Variants in CACNG5 observed in about 807,000 individuals in gnomAD.
The protein encoded by CACNG5 is calcium voltage-gated channel auxiliary subunit gamma 5, also known as voltage-dependent calcium channel gamma-5 subunit.
In CACNG5, 18 loss-of-function variants were observed where a neutral mutation model predicts 24.8. The observed-to-expected ratio is 0.73, with a 90% CI of 0.50 to 1.08. The LOEUF is 1.08. CACNG5 is among the 50% of genes least tolerant of loss of function. The pLI is 0.00. For synonymous variants in CACNG5, 157 were observed against 149.1 expected, an observed-to-expected ratio of 1.05 and a Z score of -0.39; for missense variants, 349 against 367.9, an observed-to-expected ratio of 0.95 and a Z score of 0.42.
intron 3 of CACNG5, 49 bp from the exon 4 acceptor site, chr17:66,880,508 T>A (rs1256070177): frequency 6.2e-7 from 1 of 1,611,654 alleles, no homozygotes; most frequent in South Asian, 1.1e-5. Flanking sequence ...TGATGAGGAA[T>A]GAATCAGGCC....
intron 1 of CACNG5, among the ~76,000 whole-genome samples, chr17:66,876,357 A>G (rs916186113): frequency 6.6e-6 from 1 of 152,198 alleles, no homozygotes; most frequent in Admixed American, 6.5e-5. Flanking sequence ...AGAAGCCCTG[A>G]GACTGGCTAT....
chr17:66,835,439 T>C (rs915173250), intron 1 of CACNG5, among the ~76,000 whole-genome samples, 189 bp downstream of exon 1: 1 of 151,848 alleles, frequency 6.6e-6, no homozygotes, highest in Non-Finnish European at 1.5e-5. Context: ...AGCGCGGGCG[T>C]GTGTATGCGC....
At position 66,889,172 on chromosome 17, in the gene CACNG5, G is replaced by T. The variant is rs529967798; in HGVS notation, c.*3932G>T. On this transcript the variant is annotated 3_prime_UTR_variant, in exon 6 of 6. Transcript: ENST00000533854. Reference sequence around the variant, plus strand: ...GATGGGGTTTCCCCATGTTGGCCACGTTGGTCTTGAACTCCTGACCTCAAG... The same window carrying T: ...GATGGGGTTTCCCCATGTTGGCCACTTTGGTCTTGAACTCCTGACCTCAAG... Among the ~76,000 whole-genome samples the T allele has an allele frequency of 5.3e-5, 8 of 152,300 alleles. No homozygotes were observed. The highest frequency in any genetic ancestry group is 1.7e-4 in the African/African-American group (7 of 41,570).
rs1212953444 is a variant in CACNG5, at chr17:66,889,038, G to A, written c.*3798G>A. The stretch of plus-strand genomic sequence containing the variant: ...TGCAGTGGTGTGATCTCGGCTCACT[G>A]CAACCTCTGCTTCCTGGGCTCAAGC... On this transcript the variant is annotated 3_prime_UTR_variant, in exon 6 of 6. Transcript: ENST00000533854. 6.6e-6 allele frequency among the ~76,000 whole-genome samples: 1 copy of A among 151,872 alleles called. No homozygotes were observed. The highest frequency in any genetic ancestry group is 1.5e-5 in the Non-Finnish European group (1 of 67,954).
chr17:66,842,161 A>G (rs1343877273), intron 1 of CACNG5, among the ~76,000 whole-genome samples: 1 of 152,140 alleles, frequency 6.6e-6, no homozygotes, highest in Non-Finnish European at 1.5e-5. Context: ...AGGCCTGTGA[A>G]ATATAAAAGT....
intron 1 of CACNG5, among the ~76,000 whole-genome samples, chr17:66,872,585 CA>C (rs1977024664): frequency 6.6e-6 from 1 of 152,202 alleles, no homozygotes; most frequent in African/African-American, 2.4e-5. Context: ...CTGCGCAATA[CA>C]GAAGGAAAAA....
At chr17:66,882,876 A>G (rs1977181722) in intron 4 of CACNG5, among the ~76,000 whole-genome samples, 1 of 152,142 alleles carries the variant, frequency 6.6e-6, no homozygotes. Context: ...TTGTCAACGT[A>G]GCTTGGGAGC....
At chr17:66,838,050 C>T (rs1011754287) in intron 1 of CACNG5, among the ~76,000 whole-genome samples, 3 of 151,790 alleles carry the variant, frequency 2.0e-5, no homozygotes, top group Non-Finnish European at 4.4e-5. Context: ...CTGCTCTACC[C>T]GCTGCTCAGA....
At chr17:66,868,206 G>GA (rs1976955619) in intron 1 of CACNG5, among the ~76,000 whole-genome samples, 1 of 152,136 alleles carries the variant, frequency 6.6e-6, no homozygotes, top group African/African-American at 2.4e-5. Context: ...GGTCCCTACG[G>GA]AAAATGGACC....
intron 1 of CACNG5, among the ~76,000 whole-genome samples, 195 bp from the exon 2 acceptor site, chr17:66,877,035 G>A (rs1258041504): frequency 1.3e-5 from 2 of 152,132 alleles, no homozygotes; most frequent in Non-Finnish European, 1.5e-5. Context: ...CCAGCAAGGG[G>A]ACTCCCAGAG....
At chr17:66,848,919 G>C (rs1435706531) in intron 1 of CACNG5, among the ~76,000 whole-genome samples, 1 of 152,164 alleles carries the variant, frequency 6.6e-6, no homozygotes, top group Non-Finnish European at 1.5e-5. Flanking sequence ...ACGCTGAGAG[G>C]GGTGTCCTCC....
chr17:66,846,951 C>T (rs1042521740), intron 1 of CACNG5, among the ~76,000 whole-genome samples: 5 of 152,336 alleles, frequency 3.3e-5, no homozygotes, highest in East Asian at 1.9e-4. Context: ...GAAAACCTTT[C>T]GAAGTGTGGT....
rs772292202 is a variant in CACNG5, at chr17:66,880,547, C to T, written c.284-10C>T. On this transcript the variant is annotated splice_polypyrimidine_tract_variant and intron_variant, in intron 3 of 5. Transcript: ENST00000533854. ...AGGCTGACAGGCCGCCCTTTTGTCCCGTTAATTAGAGATGATCCGCTCAGC... is the reference window on the plus strand; with the variant it reads ...AGGCTGACAGGCCGCCCTTTTGTCCTGTTAATTAGAGATGATCCGCTCAGC... The T allele has an allele frequency of 3.7e-6, 6 of 1,614,090 alleles. No homozygotes were observed. The highest frequency in any genetic ancestry group is 2.2e-5 in the South Asian group (2 of 91,060).
At chr17:66,874,359 A>G (rs1470316211) in intron 1 of CACNG5, among the ~76,000 whole-genome samples, 1 of 152,200 alleles carries the variant, frequency 6.6e-6, no homozygotes, top group Non-Finnish European at 1.5e-5. Flanking sequence ...ATAACAGAAT[A>G]CCTGAGACTG....
At chr17:66,881,218 C>T (rs1248214469) in intron 4 of CACNG5, among the ~76,000 whole-genome samples, 1 of 152,236 alleles carries the variant, frequency 6.6e-6, no homozygotes, top group African/African-American at 2.4e-5. Context: ...GGGGTGACTG[C>T]ACAGACTCCC....
Position 66,889,406 on chromosome 17 carries a change from CA to C in CACNG5, c.*4167del, listed in dbSNP as rs1977309660. Reference sequence around the variant, plus strand: ...AATCCATAGGTTGCCACAGGCTTATCAGTGATGTCCCTAGAGAATCACATGT... The same window carrying C: ...AATCCATAGGTTGCCACAGGCTTATCGTGATGTCCCTAGAGAATCACATGT... On this transcript the variant is annotated 3_prime_UTR_variant, in exon 6 of 6. Transcript: ENST00000533854. 6.6e-6 allele frequency among the ~76,000 whole-genome samples: 1 copy of C among 152,190 alleles called. No individual in the cohort carries two copies. Among genetic ancestry groups the C allele is most frequent in the Non-Finnish European group, 1.5e-5 (1 of 68,030 alleles).
intron 1 of CACNG5, among the ~76,000 whole-genome samples, chr17:66,858,776 C>G (rs1976817299): frequency 6.6e-6 from 1 of 151,824 alleles, no homozygotes; most frequent in Non-Finnish European, 1.5e-5. Flanking sequence ...CCCCAGGCCT[C>G]TTATTCTGCC....
In CACNG5 at chr17:66,894,528, G is replaced by A. The variant is rs1275455084; in HGVS notation, c.*9288G>A. Among the ~76,000 whole-genome samples, 1 of 152,056 alleles carries A rather than the reference G, an allele frequency of 6.6e-6. No homozygotes were observed. The highest frequency in any genetic ancestry group is 1.5e-5 in the Non-Finnish European group (1 of 68,032). ...CTTTGAATCCTAGTGCAGAATCTGA[G>A]TTAGTTACCCTCTCCAGTTCATGAT... On this transcript the variant is annotated 3_prime_UTR_variant, in exon 6 of 6. Coordinates refer to ENST00000533854, the MANE Select transcript of CACNG5 (RefSeq NM_145811.3).
Position 66,893,644 on chromosome 17 carries a change from C to T in CACNG5, c.*8404C>T, listed in dbSNP as rs1977373348. Among the ~76,000 whole-genome samples the T allele has an allele frequency of 1.3e-5, 2 of 152,204 alleles. No homozygotes were observed. The highest frequency in any genetic ancestry group is 2.9e-5 in the Non-Finnish European group (2 of 68,038). ...AGATGAGCTCATGTCAGACTCTGGCCTCCAGATTCCATTTTCCTGGCTGAC... is the reference window on the plus strand; with the variant it reads ...AGATGAGCTCATGTCAGACTCTGGCTTCCAGATTCCATTTTCCTGGCTGAC... On this transcript the variant is annotated 3_prime_UTR_variant, in exon 6 of 6. Transcript: ENST00000533854.
Sources: gnomAD v4.1 joint callset for allele counts (sites outside exome capture counted in the v4.1 genomes callset) on GRCh38, gnomAD v4.1.1 for gene constraint, MANE v1.5 for transcripts, NCBI Gene and HGNC (gene_info 2026-07-23, HGNC 2026-07-21) for gene names.